The following ZNF169 variants were observed in gnomAD, a reference collection of about 807,000 sequenced individuals.
The protein encoded by ZNF169 is zinc finger protein 169.
A neutral mutation model predicts 12.0 loss-of-function variants in ZNF169; 11 were observed. The observed-to-expected ratio is 0.92, with a 90% confidence interval of 0.58 to 1.52. ZNF169 has a LOEUF of 1.52. Among genes scored for constraint, ZNF169 ranks in the 40% most tolerant of loss-of-function variants. The probability of loss-of-function intolerance (pLI) is 0.00; values close to 1 mark genes in which losing one functional copy is unlikely to be tolerated. For missense variants in ZNF169, 722 were observed against 744.0 expected (o/e 0.97, Z 0.34); for synonymous variants, 302 against 286.5 (o/e 1.05, Z -0.55).
rs750785928 is a variant in ZNF169 at position 94,278,839 on chromosome 9, G to A, written c.27G>A (p.Arg9=). MSPGLLTT[R]KEALMAFRDV... is the part of the protein sequence containing the mutation. ...TGTCACCAGGACTCCTGACAACCAG[G>A]AAGGAGGTAAGTCCTGAAATTTCTT... The change falls in exon 2 of 5, where the codon AGG becomes AGA. Residue 9 remains arginine (R), a synonymous_variant. Coordinates refer to ENST00000395395, the MANE Select transcript of ZNF169 (RefSeq NM_194320.4). The A allele has an allele frequency of 5.0e-6, 8 of 1,613,892 alleles. No homozygotes were observed. In the Admixed American group the frequency reaches 1.3e-4, roughly 27 times the overall value.
At chr9:94,270,898 AAT>A (rs376421316) in intron 1 of ZNF169, among the ~76,000 whole-genome samples, 29 of 14,058 alleles carry the variant, frequency 2.1e-3, no homozygotes, top group Admixed American at 6.8e-3. Context: ...TATATATAAT[AAT>A]ATATATATTA....
chr9:94,300,164 G>A lies in ZNF169; in HGVS notation c.606G>A (p.Lys202=). The A allele has an allele frequency of 6.2e-7, 1 of 1,614,156 alleles. No homozygotes were observed. Among genetic ancestry groups the A allele is most frequent in the Non-Finnish European group, 8.5e-7 (1 of 1,180,036 alleles). ...MSLGGSDTML[K]GADTSESGAV... Reference sequence around the variant, plus strand: ...TTGGGGGGTCAGACACAATGTTGAAGGGAGCAGACACTTCAGAATCTGGAG... The same window carrying A: ...TTGGGGGGTCAGACACAATGTTGAAAGGAGCAGACACTTCAGAATCTGGAG... Residue 202 remains lysine (K), a synonymous_variant, in exon 5 of 5, where the codon AAG becomes AAA. Transcript: ENST00000395395.
chr9:94,282,429 C>T (rs909118648), intron 2 of ZNF169, among the ~76,000 whole-genome samples: 5 of 152,140 alleles, frequency 3.3e-5, no homozygotes, highest in South Asian at 2.1e-4. Flanking sequence ...TCTGGAAAGG[C>T]GGAACAACTT....
rs149354161 is a variant in ZNF169 at position 94,300,689 on chromosome 9, T to G, written c.1131T>G (p.Leu377=). The G allele has an allele frequency of 5.6e-6, 9 of 1,611,172 alleles. No individual in the cohort carries two copies. In the African/African-American group the frequency reaches 1.2e-4, roughly 22 times the overall value. ...CAGGGGAGAGGCCCTTCCTGTGCCT[T>G]GAGTGTGGGCGTAGCTTCAGGCAGC... ...SHTGERPFLC[L]ECGRSFRQQS... The change falls in exon 5 of 5, where the codon CTT becomes CTG. Residue 377 remains leucine (L), a synonymous_variant. Transcript: ENST00000395395.
intron 2 of ZNF169, among the ~76,000 whole-genome samples, chr9:94,279,496 G>A (rs11998779): frequency 0.013 from 1,905 of 151,682 alleles, 52 homozygotes; most frequent in African/African-American, 0.043. Context: ...TGAAAATGGC[G>A]CAGGACAGTG....
rs558513470 is a variant in ZNF169 at position 94,298,839 on chromosome 9, C to T, written c.257-976C>T. 3.3e-5 allele frequency among the ~76,000 whole-genome samples: 5 copies of T among 152,082 alleles called. No individual in the cohort carries two copies. In the South Asian group the frequency reaches 8.3e-4, roughly 25 times the overall value. On this transcript the variant is annotated intron_variant, in intron 4 of 4. Coordinates refer to ENST00000395395, the MANE Select transcript of ZNF169 (RefSeq NM_194320.4). ...TTCCAGAGCCTTTAATTTATACCAT[C>T]ATGGGAATTAGTGTTATCTCCAATT...
Position 94,301,555 on chromosome 9 carries a change from C to T in ZNF169, c.*185C>T. 9.1e-7 allele frequency: 1 copy of T among 1,099,862 alleles called. No homozygotes were observed. Among genetic ancestry groups the T allele is most frequent in the Non-Finnish European group, 1.2e-6 (1 of 811,114 alleles). The allele number at this position is 1,099,862 out of a possible 1,614,324, so 68.1% of individuals were successfully genotyped here. A position where few individuals can be genotyped will look rare whatever the true frequency, so the allele number is the denominator to read the frequency against. ...CTAGGGGTTCCATAACAAAGTACCC[C>T]AGGCTGGGTGATTTTGACAACGGAA... On this transcript the variant is annotated 3_prime_UTR_variant, in exon 5 of 5. Transcript: ENST00000395395.
At chr9:94,299,664 G>A in intron 4 of ZNF169, 151 bp from the exon 5 acceptor site, 1 of 1,434,486 alleles carries the variant, frequency 7.0e-7, no homozygotes. Context: ...AGTTTGTAGT[G>A]TGGGTTTTCT....
intron 4 of ZNF169, among the ~76,000 whole-genome samples, chr9:94,298,948 T>C (rs1831003038): frequency 6.6e-6 from 1 of 152,220 alleles, no homozygotes; most frequent in African/African-American, 2.4e-5. Context: ...TGGATAAGAA[T>C]ATGCTTAAGC....
intron 1 of ZNF169, among the ~76,000 whole-genome samples, chr9:94,274,274 A>G (rs1442556421): frequency 6.6e-6 from 1 of 152,186 alleles, no homozygotes; most frequent in Non-Finnish European, 1.5e-5. Context: ...GGATGTCAAC[A>G]TACGAATATG....
At chr9:94,295,894 G>A (rs984346616) in intron 4 of ZNF169, 1 of 152,110 alleles carries the variant, frequency 6.6e-6, no homozygotes, top group Non-Finnish European at 1.5e-5. Context: ...TAAATACCTG[G>A]GACTGGAATG....
At chr9:94,282,448 G>A (rs934104629) in intron 2 of ZNF169, among the ~76,000 whole-genome samples, 1 of 152,206 alleles carries the variant, frequency 6.6e-6, no homozygotes, top group Non-Finnish European at 1.5e-5. Flanking sequence ...TTGAAGCAAG[G>A]CGGGGATGAC....
At chr9:94,299,663 T>A in intron 4 of ZNF169, 152 bp from the exon 5 acceptor site, 1 of 1,433,438 alleles carries the variant, frequency 7.0e-7, no homozygotes, top group East Asian at 2.5e-5. Flanking sequence ...TAGTTTGTAG[T>A]GTGGGTTTTC....
chr9:94,286,336 A>G (rs1830718992), intron 2 of ZNF169, among the ~76,000 whole-genome samples: 1 of 152,186 alleles, frequency 6.6e-6, no homozygotes, highest in Non-Finnish European at 1.5e-5. Flanking sequence ...TCCTTTCACT[A>G]TAATAATCAT....
Position 94,301,267 on chromosome 9 carries a change from A to G in ZNF169, c.1709A>G (p.Tyr570Cys), listed in dbSNP as rs748657947. 1.9e-6 allele frequency: 3 copies of G among 1,613,868 alleles called. No homozygotes were observed. Among genetic ancestry groups the G allele is most frequent in the African/African-American group, 1.3e-5 (1 of 74,864 alleles). ...HQRTHSGEKPYVCRECGRGFS... is the reference protein window; with the variant it reads ...HQRTHSGEKPCVCRECGRGFS... Reference sequence around the variant, plus strand: ...CGGACCCATTCTGGGGAGAAGCCGTATGTCTGCAGGGAGTGTGGGCGTGGC... The same window carrying G: ...CGGACCCATTCTGGGGAGAAGCCGTGTGTCTGCAGGGAGTGTGGGCGTGGC... The change falls in exon 5 of 5, where the codon TAT (tyrosine) becomes TGT (cysteine). Residue 570 changes from tyrosine (Y) to cysteine (C), a missense_variant. By Grantham distance (194) the Tyr-to-Cys change is radical. Transcript: ENST00000395395.
At position 94,260,812 on chromosome 9, in the gene ZNF169, ATTTTTTTTTTT is replaced by A. The variant is rs561717345; in HGVS notation, c.-56+1483_-56+1493del. On this transcript the variant is annotated intron_variant, in intron 1 of 4. Coordinates refer to ENST00000395395, the MANE Select transcript of ZNF169 (RefSeq NM_194320.4). ...TTGGGTGGAAGGCATCCAAACCTAC[ATTTTTTTTTTT>A]TTTTTTTTTTTTTTTGAGATGAAGT... 1.8e-3 allele frequency among the ~76,000 whole-genome samples: 124 copies of A among 70,140 alleles called. 1 individual carries two copies. Among genetic ancestry groups the A allele is most frequent in the East Asian group, 6.3e-3 (10 of 1,600 alleles). The allele number at this position is 70,140 out of a possible 152,430, so 46.0% of individuals were successfully genotyped here.
At chr9:94,273,735 A>T (rs1284131224) in intron 1 of ZNF169, among the ~76,000 whole-genome samples, 1 of 151,850 alleles carries the variant, frequency 6.6e-6, no homozygotes, top group Non-Finnish European at 1.5e-5. Flanking sequence ...ACCTGCCACC[A>T]GGCCCAGCTA....
At chr9:94,295,319 C>A (rs1358666678) in intron 4 of ZNF169, 1 of 151,822 alleles carries the variant, frequency 6.6e-6, no homozygotes, top group East Asian at 1.9e-4. Context: ...CAGAGTGAGA[C>A]TCTGTCTCAA....
At chr9:94,262,183 G>A (rs1830218044) in intron 1 of ZNF169, among the ~76,000 whole-genome samples, 1 of 152,170 alleles carries the variant, frequency 6.6e-6, no homozygotes, top group African/African-American at 2.4e-5. Context: ...TCTTTGAGGG[G>A]ACAGGCACCT....
Sources: allele counts gnomAD v4.1 joint callset (sites outside exome capture counted in the v4.1 genomes callset), GRCh38; gene constraint gnomAD v4.1.1; transcripts MANE v1.5; gene names NCBI Gene and HGNC (gene_info 2026-07-23, HGNC 2026-07-21).